The following CFH variants were observed in gnomAD, a reference collection of about 807,000 sequenced individuals.
CFH encodes the protein complement factor H.
CFH carries 53 observed loss-of-function variants against 147.3 expected under a neutral mutation model. The observed-to-expected ratio is 0.36, with a 90% CI of 0.29 to 0.45. The LOEUF is 0.45. Ranked by LOEUF, CFH falls within the 20% of genes least tolerant of loss-of-function variation. The pLI, the probability that CFH is intolerant of heterozygous loss-of-function variation, is 1.00. For missense variants in CFH, 1,380 were observed against 1,498.0 expected (o/e 0.92, Z 1.30); for synonymous variants, 536 against 489.4 (o/e 1.10, Z -1.26).
rs769142734 is a variant in CFH at position 196,741,885 on chromosome 1, T to C, written c.2967T>C (p.Cys989=). 6.2e-7 allele frequency: 1 copy of C among 1,614,088 alleles called. No individual in the cohort carries two copies. Among genetic ancestry groups the C allele is most frequent in the Admixed American group, 1.7e-5 (1 of 60,026 alleles). The change falls in exon 19 of 22, where the codon TGT becomes TGC. Residue 989 remains cysteine (C), a synonymous_variant. Coordinates refer to ENST00000367429, the MANE Select transcript of CFH (RefSeq NM_000186.4). ...TTTTTCCTATTTCAGAAACAGATTG[T>C]CTCAGTTTACCTAGCTTTGAAAATG... ...SHPPSCIKTD[C]LSLPSFENAI...
At chr1:196,720,434 C>A (rs1040203841) in intron 11 of CFH, among the ~76,000 whole-genome samples, 1 of 151,916 alleles carries the variant, frequency 6.6e-6, no homozygotes. Context: ...CACCCTCCTG[C>A]TATCCTGCCA....
chr1:196,700,194 A>G (rs1219425561), intron 9 of CFH, among the ~76,000 whole-genome samples: 1 of 152,138 alleles, frequency 6.6e-6, no homozygotes, highest in Non-Finnish European at 1.5e-5. Flanking sequence ...CCCTTCAAAG[A>G]TTCTTGCCCA....
At chr1:196,660,260 A>G (rs1666855451) in intron 1 of CFH, among the ~76,000 whole-genome samples, 1 of 152,270 alleles carries the variant, frequency 6.6e-6, no homozygotes, top group East Asian at 1.9e-4. Flanking sequence ...GAAATGCTCA[A>G]CAAAATATAA....
At chr1:196,707,966 T>C (rs945397099) in intron 9 of CFH, among the ~76,000 whole-genome samples, 17 of 152,210 alleles carry the variant, frequency 1.1e-4, no homozygotes, top group Non-Finnish European at 2.5e-4. Flanking sequence ...ATTGCTACCC[T>C]TATAGACATT....
chr1:196,673,162 G>A lies in CFH; in HGVS notation c.243G>A (p.Gln81=). 1 of 1,611,644 alleles carries A rather than the reference G, an allele frequency of 6.2e-7. No individual in the cohort carries two copies. The highest frequency in any genetic ancestry group is 8.5e-7 in the Non-Finnish European group (1 of 1,178,114). The change falls in exon 2 of 22, where the codon CAG becomes CAA. Residue 81 remains glutamine (Q), a splice_region_variant and synonymous_variant. Coordinates refer to ENST00000367429, the MANE Select transcript of CFH (RefSeq NM_000186.4). ...CTCTTAATCCATTAAGGAAATGTCA[G>A]AGTAAGTACTTAATACATTTGTGAA... The part of the protein sequence containing the change: ...WVALNPLRKC[Q]KRPCGHPGDT...
intron 15 of CFH, among the ~76,000 whole-genome samples, chr1:196,733,602 A>G (rs1244522433): frequency 6.6e-6 from 1 of 152,104 alleles, no homozygotes; most frequent in African/African-American, 2.4e-5. Flanking sequence ...ACACACCCAT[A>G]TAAAACGCCA....
intron 9 of CFH, among the ~76,000 whole-genome samples, chr1:196,697,642 A>G (rs1210019976): frequency 6.6e-6 from 1 of 152,186 alleles, no homozygotes; most frequent in South Asian, 2.1e-4. Context: ...TGACCTAGCC[A>G]TCCCATTACT....
intron 7 of CFH, among the ~76,000 whole-genome samples, chr1:196,686,469 C>G (rs1241583124): frequency 6.6e-6 from 1 of 151,942 alleles, no homozygotes; most frequent in Non-Finnish European, 1.5e-5. Flanking sequence ...GCTCCTTTAC[C>G]CCTTTTTAAT....
chr1:196,675,539 T>C (rs1383080758), intron 3 of CFH, among the ~76,000 whole-genome samples: 1 of 152,110 alleles, frequency 6.6e-6, no homozygotes, highest in Non-Finnish European at 1.5e-5. Flanking sequence ...GGTTAGTCGT[T>C]GGTTACTATG....
chr1:196,673,933 T>C lies in CFH; in HGVS notation c.321T>C (p.Gly107=). The C allele has an allele frequency of 6.2e-7, 1 of 1,613,062 alleles. No homozygotes were observed. Among genetic ancestry groups the C allele is most frequent in the African/African-American group, 1.3e-5 (1 of 75,008 alleles). Residue 107 remains glycine, a synonymous_variant, in exon 3 of 22, where the codon GGT becomes GGC. Transcript: ENST00000367429. ...TLTGGNVFEY[G]VKAVYTCNEG... is the part of the protein sequence containing the mutation. ...CAGGAGGAAATGTGTTTGAATATGG[T>C]GTAAAAGCTGTGTATACATGTAATG...
intron 9 of CFH, among the ~76,000 whole-genome samples, chr1:196,705,654 C>T (rs2149098411): frequency 6.6e-6 from 1 of 152,224 alleles, no homozygotes; most frequent in East Asian, 1.9e-4. Flanking sequence ...GGCCTGTAGC[C>T]TACTTTTCAA....
chr1:196,664,268 C>G (rs569106779), intron 1 of CFH, among the ~76,000 whole-genome samples: 1 of 152,032 alleles, frequency 6.6e-6, no homozygotes, highest in African/African-American at 2.4e-5. Context: ...GCTATATTGC[C>G]CAGGGTGGTC....
rs963729010 is a variant in CFH at position 196,708,843 on chromosome 1, A to G, written c.1337-4892A>G. Among the ~76,000 whole-genome samples, 6 of 152,280 alleles carry G rather than the reference A, an allele frequency of 3.9e-5. No homozygotes were observed. The East Asian group carries it at 9.7e-4, about 25-fold the overall frequency. The stretch of plus-strand genomic sequence containing the variant: ...CTCCAAAAGGGACTGCCAGGCATAT[A>G]TCAATATATCTGGTGGCAGAGCCTT... On this transcript the variant is annotated intron_variant, in intron 9 of 21. Coordinates refer to ENST00000367429, the MANE Select transcript of CFH (RefSeq NM_000186.4).
At chr1:196,722,173 A>G (rs1669016446) in intron 11 of CFH, among the ~76,000 whole-genome samples, 1 of 152,092 alleles carries the variant, frequency 6.6e-6, no homozygotes, top group Non-Finnish European at 1.5e-5. Context: ...TGTCTTTATG[A>G]TAGTGAGTAT....
chr1:196,652,806 G>A (rs1666548171), intron 1 of CFH, among the ~76,000 whole-genome samples: 1 of 151,802 alleles, frequency 6.6e-6, no homozygotes, highest in Non-Finnish European at 1.5e-5. Flanking sequence ...TTCTTGAAGA[G>A]CAGTCTTTTG....
intron 1 of CFH, among the ~76,000 whole-genome samples, chr1:196,659,816 TCAATAATACTCAATA>T (rs1220814793): frequency 1.3e-5 from 2 of 152,208 alleles, no homozygotes; most frequent in Admixed American, 1.3e-4. Context: ...ATCTCCTATC[TCAATAATACTCAATA>T]CAATAATGGT....
chr1:196,673,788 C>T (rs1179015332), intron 2 of CFH, 69 bp from the exon 3 acceptor site: 4 of 918,548 alleles, frequency 4.4e-6, no homozygotes, highest in Non-Finnish European at 5.5e-6. Context: ...TATACTTGTT[C>T]CCCCACTCCT....
intron 11 of CFH, among the ~76,000 whole-genome samples, chr1:196,722,116 C>T (rs1194280818): frequency 1.3e-5 from 2 of 151,968 alleles, no homozygotes; most frequent in African/African-American, 4.8e-5. Context: ...TTTGTAGTCC[C>T]AACTGTGTAA....
intron 1 of CFH, among the ~76,000 whole-genome samples, chr1:196,654,315 T>A (rs1666607944): frequency 6.6e-6 from 1 of 152,166 alleles, no homozygotes; most frequent in Non-Finnish European, 1.5e-5. Flanking sequence ...AGGAATAATT[T>A]GTAATTTCAG....
Sources: allele counts gnomAD v4.1 joint callset (sites outside exome capture counted in the v4.1 genomes callset), GRCh38; gene constraint gnomAD v4.1.1; transcripts MANE v1.5; gene names NCBI Gene and HGNC (gene_info 2026-07-23, HGNC 2026-07-21).